TRIM37: variants seen among roughly 807,000 people sequenced by gnomAD.
TRIM37 encodes E3 ubiquitin-protein ligase TRIM37.
In TRIM37, 80 loss-of-function variants were observed where a neutral mutation model predicts 129.8. That is an observed-to-expected ratio of 0.62 (90% CI 0.51 to 0.74). TRIM37 has a LOEUF of 0.74. Ranked by LOEUF, TRIM37 falls within the 30% of genes least tolerant of loss-of-function variation. The pLI is 0.00. For missense variants in TRIM37, 1,054 were observed against 1,176.5 expected (o/e 0.90, Z 1.52); for synonymous variants, 389 against 387.1 (o/e 1.00, Z -0.06).
chr17:59,085,490 C>T (rs1202133549), intron 4 of TRIM37, among the ~76,000 whole-genome samples: 1 of 152,030 alleles, frequency 6.6e-6, no homozygotes, highest in Non-Finnish European at 1.5e-5. Flanking sequence ...AAATGTGAAT[C>T]CTAACCTCAT....
At chr17:59,028,993 G>C (rs912597511) in intron 18 of TRIM37, among the ~76,000 whole-genome samples, 9 of 152,026 alleles carry the variant, frequency 5.9e-5, no homozygotes, top group Non-Finnish European at 1.2e-4. Flanking sequence ...CTACTGCCTT[G>C]TGCTTTCTTC....
intron 19 of TRIM37, among the ~76,000 whole-genome samples, chr17:59,023,013 T>TTACTA (rs745517810): frequency 1.3e-5 from 2 of 152,136 alleles, no homozygotes; most frequent in African/African-American, 4.8e-5. Flanking sequence ...ATTGAATATA[T>TTACTA]TACTATACTA....
At chr17:59,057,769 C>T (rs2041097722) in intron 12 of TRIM37, among the ~76,000 whole-genome samples, 1 of 152,068 alleles carries the variant, frequency 6.6e-6, no homozygotes, top group South Asian at 2.1e-4. Context: ...GATGATCCAC[C>T]CTCCTTGACC....
At chr17:58,971,730 G>A in the TRIM37 span, among the ~76,000 whole-genome samples, 15 of 152,152 alleles carry the variant, frequency 9.9e-5, no homozygotes, top group African/African-American at 3.4e-4. Context: ...GTAATGAAAT[G>A]GAGAGCAGAA....
Position 59,012,341 on chromosome 17 carries a change from A to G in TRIM37, c.2682T>C (p.Ala894=). 6.2e-7 allele frequency: 1 copy of G among 1,604,638 alleles called. No homozygotes were observed. Among genetic ancestry groups the G allele is most frequent in the Non-Finnish European group, 8.5e-7 (1 of 1,173,942 alleles). ...LQPVLPEGAS[A]APEEGMSSDS... ...ATCATTCCTTACCTTCTTCAGGGGC[A>G]GCTGAAGCTCCTTCAGGTAGTACAG... Residue 894 remains alanine (A), a synonymous_variant, in exon 22 of 24, where the codon GCT becomes GCC. Coordinates refer to ENST00000262294, the MANE Select transcript of TRIM37 (RefSeq NM_015294.6).
chr17:59,106,306 G>A (rs1477660379), intron 1 of TRIM37, 135 bp downstream of exon 1: 11 of 1,041,548 alleles, frequency 1.1e-5, no homozygotes, highest in African/African-American at 1.6e-5. Context: ...CTTGGTACCG[G>A]GCCAGCCCTC....
At chr17:58,991,573 A>G (rs1031235106) in intron 24 of TRIM37, among the ~76,000 whole-genome samples, 2 of 152,204 alleles carry the variant, frequency 1.3e-5, no homozygotes, top group African/African-American at 4.8e-5. Flanking sequence ...TGAGGTCAGC[A>G]TTACTCTGAC....
At position 58,991,729 on chromosome 17, in the gene TRIM37, A is replaced by G. The variant is rs528393385; in HGVS notation, c.2891+7652T>C. ...TGGCTGGTTAGCTCAGTTGGTTAGA[A>G]GAAAAACCAAAAAGAATGGCTAAAA... On this transcript the variant is annotated intron_variant, in intron 24 of 24. Coordinates refer to the TRIM37 transcript ENST00000393066. Among the ~76,000 whole-genome samples the G allele has an allele frequency of 7.2e-5, 11 of 152,314 alleles. No individual in the cohort carries two copies. In the East Asian group the frequency reaches 2.1e-3, roughly 29 times the overall value.
chr17:58,994,364 A>T (rs1183399772), downstream of TRIM37, among the ~76,000 whole-genome samples: 1 of 152,182 alleles, frequency 6.6e-6, no homozygotes, highest in Non-Finnish European at 1.5e-5. Context: ...TAAAAAAAAT[A>T]GCACAATAAT....
At chr17:58,975,998 A>C in the TRIM37 span, among the ~76,000 whole-genome samples, 1,306 of 152,264 alleles carry the variant, frequency 8.6e-3, 19 homozygotes, top group African/African-American at 0.029. Context: ...GCAAGTGTAG[A>C]TTTAGTTTCT....
At chr17:59,023,762 TA>T (rs2145363454) in intron 19 of TRIM37, among the ~76,000 whole-genome samples, 1 of 152,132 alleles carries the variant, frequency 6.6e-6, no homozygotes, top group African/African-American at 2.4e-5. Flanking sequence ...TGAAAAATTA[TA>T]AAAATCCTAC....
chr17:59,011,049 A>T (rs1270227520), intron 22 of TRIM37, among the ~76,000 whole-genome samples: 1 of 151,978 alleles, frequency 6.6e-6, no homozygotes. Context: ...AAGCGCCTGT[A>T]ATCCCAGCTA....
intron 24 of TRIM37, among the ~76,000 whole-genome samples, chr17:58,988,423 T>C (rs1285385283): frequency 6.6e-6 from 1 of 152,082 alleles, no homozygotes; most frequent in Non-Finnish European, 1.5e-5. Flanking sequence ...ACAAATACTG[T>C]TGCCGTCTGG....
intron 17 of TRIM37, among the ~76,000 whole-genome samples, chr17:59,034,404 C>A (rs2145693821): frequency 6.6e-6 from 1 of 151,866 alleles, no homozygotes; most frequent in Non-Finnish European, 1.5e-5. Context: ...TTCAAATGTT[C>A]CCAGCTTTCT....
intron 24 of TRIM37, among the ~76,000 whole-genome samples, chr17:58,987,027 T>C (rs563435270): frequency 4.6e-5 from 7 of 152,166 alleles, no homozygotes; most frequent in Non-Finnish European, 2.9e-5. Flanking sequence ...TGCTGAGCTG[T>C]AGGATGCTGC....
At chr17:59,091,996 C>T (rs542572629) in intron 2 of TRIM37, among the ~76,000 whole-genome samples, 62 of 146,056 alleles carry the variant, frequency 4.2e-4, no homozygotes, top group Middle Eastern at 3.5e-3. Flanking sequence ...AAAGCTAATT[C>T]GAAAAAAAAA....
chr17:59,084,184 A>T, intron 4 of TRIM37, 95 bp from the exon 5 acceptor site: 1 of 918,440 alleles, frequency 1.1e-6, no homozygotes, highest in South Asian at 1.4e-5. Context: ...TCAGTTTTAA[A>T]TGATTATATC....
intron 12 of TRIM37, among the ~76,000 whole-genome samples, chr17:59,057,523 T>A (rs1029138487): frequency 2.0e-5 from 3 of 152,036 alleles, no homozygotes; most frequent in Non-Finnish European, 2.9e-5. Flanking sequence ...AAGAGCAGTA[T>A]TTTTTTGTTT....
intron 13 of TRIM37, among the ~76,000 whole-genome samples, chr17:59,053,891 G>A (rs149796391): frequency 2.6e-5 from 4 of 152,154 alleles, no homozygotes; most frequent in African/African-American, 9.6e-5. Context: ...TTGAGCCCGA[G>A]AATTCTAGAC....
Sources: gnomAD v4.1 joint callset for allele counts (sites outside exome capture counted in the v4.1 genomes callset) on GRCh38, gnomAD v4.1.1 for gene constraint, MANE v1.5 for transcripts, NCBI Gene and HGNC (gene_info 2026-07-23, HGNC 2026-07-21) for gene names.